HACD2: variants seen among roughly 807,000 people sequenced by gnomAD.
HACD2 encodes the protein very-long-chain (3R)-3-hydroxyacyl-CoA dehydratase 2.
Under a neutral mutation model 31.0 loss-of-function variants are expected in HACD2, and 15 were observed. The observed-to-expected ratio is 0.48, with a 90% CI of 0.32 to 0.75. The LOEUF (loss-of-function observed/expected upper bound fraction) is 0.75. Ranked by LOEUF, HACD2 falls within the 30% of genes least tolerant of loss-of-function variation. The pLI, the probability that HACD2 is intolerant of heterozygous loss-of-function variation, is 0.03. For missense variants in HACD2, 283 were observed against 313.0 expected, an observed-to-expected ratio of 0.90 and a Z score of 0.72; for synonymous variants, 115 against 122.2, an observed-to-expected ratio of 0.94 and a Z score of 0.39.
Position 123,493,713 on chromosome 3 carries a change from G to C in HACD2, c.*1175C>G, listed in dbSNP as rs1039159964. ...TTGTATGAGGATGTGACATGGATTA[G>C]ACAATGTCGGTAGTACCAAACTATT... On this transcript the variant is annotated 3_prime_UTR_variant, in exon 7 of 7. Transcript: ENST00000383657. The C allele has an allele frequency of 1.3e-5, 2 of 152,152 alleles. No individual in the cohort carries two copies. The highest frequency in any genetic ancestry group is 4.8e-5 in the African/African-American group (2 of 41,422). The allele number at this position is 152,152 out of a possible 1,614,324, so 9.4% of individuals were successfully genotyped here.
rs1056585985 is a variant in HACD2, at chr3:123,528,610, C to T, written c.293-136G>A. On this transcript the variant is annotated intron_variant, in intron 3 of 6. Transcript: ENST00000383657. The stretch of plus-strand genomic sequence containing the variant: ...CAACTGAAAGGTGTCTATATTGTTA[C>T]ACAGACTAAGTTTTCAATGTAGTCC... 9 of 609,370 alleles carry T rather than the reference C, an allele frequency of 1.5e-5. No homozygotes were observed. The African/African-American group carries it at 1.7e-4, about 11-fold the overall frequency. 37.7% of individuals were successfully genotyped at this position (609,370 alleles called of 1,614,324 possible).
intron 4 of HACD2, among the ~76,000 whole-genome samples, chr3:123,509,464 T>G (rs748833141): frequency 2.0e-5 from 3 of 151,252 alleles, no homozygotes; most frequent in Non-Finnish European, 4.4e-5. Context: ...CTGTTATAGA[T>G]TCATTGAACC....
chr3:123,543,233 T>C (rs1047297596), intron 3 of HACD2, among the ~76,000 whole-genome samples: 1 of 152,210 alleles, frequency 6.6e-6, no homozygotes, highest in Non-Finnish European at 1.5e-5. Flanking sequence ...TGAAGCCAAT[T>C]TGACCGTCAA....
intron 2 of HACD2, among the ~76,000 whole-genome samples, chr3:123,577,043 A>G (rs937266045): frequency 1.3e-5 from 2 of 152,172 alleles, no homozygotes; most frequent in African/African-American, 4.8e-5. Flanking sequence ...CCCTAGATCA[A>G]TTCCAGGACA....
At chr3:123,579,115 TA>T (rs1384538753) in intron 2 of HACD2, among the ~76,000 whole-genome samples, 1 of 152,166 alleles carries the variant, frequency 6.6e-6, no homozygotes, top group African/African-American at 2.4e-5. Flanking sequence ...ATAACAGAGA[TA>T]AAACCAAAAA....
At chr3:123,557,740 C>T (rs1292900223) in intron 3 of HACD2, among the ~76,000 whole-genome samples, 1 of 152,216 alleles carries the variant, frequency 6.6e-6, no homozygotes, top group African/African-American at 2.4e-5. Flanking sequence ...CACCACTACA[C>T]ACCTATTAGA....
intron 3 of HACD2, among the ~76,000 whole-genome samples, chr3:123,549,100 G>C (rs1009984180): frequency 6.6e-6 from 1 of 151,288 alleles, no homozygotes; most frequent in African/African-American, 2.4e-5. Flanking sequence ...ATTAATATCT[G>C]AAATTCTACC....
At chr3:123,538,064 C>T (rs768901404) in intron 3 of HACD2, among the ~76,000 whole-genome samples, 1 of 152,044 alleles carries the variant, frequency 6.6e-6, no homozygotes, top group Non-Finnish European at 1.5e-5. Flanking sequence ...AAACAGGAGC[C>T]GGAGCAGATT....
chr3:123,567,743 G>C lies in HACD2; in HGVS notation c.292+19C>G. ...AGCAGAATTCACTGTACATAGTAGG[G>C]GGGAATATCCATACTTACCTATAGC... On this transcript the variant is annotated intron_variant, in intron 3 of 6. Transcript: ENST00000383657. The C allele has an allele frequency of 7.0e-7, 1 of 1,438,826 alleles. No homozygotes were observed. Among genetic ancestry groups the C allele is most frequent in the Non-Finnish European group, 9.3e-7 (1 of 1,074,472 alleles). The allele number at this position is 1,438,826 out of a possible 1,614,324, so 89.1% of individuals were successfully genotyped here. A position where few individuals can be genotyped will look rare whatever the true frequency, so the allele number is the denominator to read the frequency against.
intron 2 of HACD2, among the ~76,000 whole-genome samples, chr3:123,580,697 T>A (rs1443639048): frequency 6.7e-6 from 1 of 149,558 alleles, no homozygotes; most frequent in African/African-American, 2.5e-5. Context: ...GTGGGAGGAC[T>A]GCTTGGTCCC....
At chr3:123,514,580 T>C (rs1296705127) in intron 4 of HACD2, among the ~76,000 whole-genome samples, 1 of 152,126 alleles carries the variant, frequency 6.6e-6, no homozygotes, top group Non-Finnish European at 1.5e-5. Context: ...ACATAACATT[T>C]ATAAGAAAAC....
chr3:123,536,033 C>T (rs2056421231), intron 3 of HACD2, among the ~76,000 whole-genome samples: 1 of 152,122 alleles, frequency 6.6e-6, no homozygotes. Flanking sequence ...TGTATAAAGA[C>T]ATATTTATAT....
In HACD2 at chr3:123,491,652, A is replaced by AT. The variant is rs1286096755; in HGVS notation, c.*3235_*3236insA. ...TATTACTACATTATCAGGTAAAAAC[A>AT]GCTTTCAAATGCATGCATAGAAAGT... On this transcript the variant is annotated 3_prime_UTR_variant, in exon 7 of 7. Transcript: ENST00000383657. The AT allele has an allele frequency of 6.5e-6, 1 of 152,678 alleles. No homozygotes were observed. Among genetic ancestry groups the AT allele is most frequent in the Non-Finnish European group, 1.5e-5 (1 of 68,044 alleles). 9.5% of individuals were successfully genotyped at this position (152,678 alleles called of 1,614,324 possible).
At chr3:123,510,845 T>C (rs1179383072) in intron 4 of HACD2, among the ~76,000 whole-genome samples, 1 of 152,178 alleles carries the variant, frequency 6.6e-6, no homozygotes, top group Non-Finnish European at 1.5e-5. Context: ...GCCAAACTGT[T>C]GTCCACAGTG....
chr3:123,500,809 T>G (rs879315969), intron 5 of HACD2, 116 bp from the exon 6 acceptor site: 139 of 585,658 alleles, frequency 2.4e-4, no homozygotes, highest in Non-Finnish European at 2.0e-4. Flanking sequence ...TTATACATTT[T>G]CCTGTTTACC....
At chr3:123,568,937 A>G (rs997385240) in intron 2 of HACD2, among the ~76,000 whole-genome samples, 15 of 152,212 alleles carry the variant, frequency 9.9e-5, no homozygotes, top group Non-Finnish European at 2.9e-5. Flanking sequence ...CCAAGAACTT[A>G]GGTTTTATTT....
chr3:123,511,605 T>TA (rs760535284), intron 4 of HACD2, among the ~76,000 whole-genome samples: 1 of 152,104 alleles, frequency 6.6e-6, no homozygotes, highest in Non-Finnish European at 1.5e-5. Flanking sequence ...GAGTAAAGCA[T>TA]AAAAAACTAC....
intron 3 of HACD2, among the ~76,000 whole-genome samples, chr3:123,531,095 T>C (rs2056355252): frequency 6.6e-6 from 1 of 151,884 alleles, no homozygotes; most frequent in Non-Finnish European, 1.5e-5. Context: ...CTCGATCTCT[T>C]AACCTCGTGA....
intron 4 of HACD2, among the ~76,000 whole-genome samples, chr3:123,504,773 T>A (rs1306184422): frequency 6.6e-6 from 1 of 152,210 alleles, no homozygotes; most frequent in African/African-American, 2.4e-5. Context: ...TTGTGCAAAA[T>A]CATTTCTTCC....
Sources: gnomAD v4.1 joint callset for allele counts (sites outside exome capture counted in the v4.1 genomes callset) on GRCh38, gnomAD v4.1.1 for gene constraint, MANE v1.5 for transcripts, NCBI Gene and HGNC (gene_info 2026-07-23, HGNC 2026-07-21) for gene names.